Variants in GSG1L observed in about 807,000 individuals in gnomAD.
GSG1L encodes GSG1 like.
In GSG1L, 24 loss-of-function variants were observed where a neutral mutation model predicts 42.1. The ratio of observed to expected loss-of-function variants is 0.57; its 90% CI spans 0.41 to 0.80. GSG1L has a LOEUF of 0.80. Among genes scored for constraint, GSG1L ranks in the 30% least tolerant of loss-of-function variants. GSG1L has a pLI of 0.00. For missense variants in GSG1L, 445 were observed against 472.2 expected, an observed-to-expected ratio of 0.94 and a Z score of 0.53; for synonymous variants, 215 against 203.5, an observed-to-expected ratio of 1.06 and a Z score of -0.48.
At chr16:27,960,330 A>T (rs557469480) in intron 2 of GSG1L, among the ~76,000 whole-genome samples, 2 of 152,314 alleles carry the variant, frequency 1.3e-5, no homozygotes, top group East Asian at 3.9e-4. Flanking sequence ...CCTCACCTGT[A>T]AAATGGGGAT....
intron 1 of GSG1L, among the ~76,000 whole-genome samples, chr16:27,979,662 AGAGAGAGAGAGAGAG>A (rs2085293585): frequency 6.7e-5 from 3 of 45,038 alleles, no homozygotes; most frequent in African/African-American, 1.8e-4. Flanking sequence ...AAAGAAAGAA[AGAGAGAGAGAGAGAG>A]AGAAAGAAAG....
intron 3 of GSG1L, among the ~76,000 whole-genome samples, chr16:27,882,760 T>C (rs930066587): frequency 6.6e-6 from 1 of 152,078 alleles, no homozygotes; most frequent in African/African-American, 2.4e-5. Context: ...ACCCAGTCCA[T>C]AGAGGTCAAC....
intron 2 of GSG1L, among the ~76,000 whole-genome samples, chr16:27,946,584 AGAGAGAG>A (rs1567529769): frequency 0.013 from 288 of 22,594 alleles, 2 homozygotes; most frequent in Non-Finnish European, 0.014. Context: ...AAAGAAAGAG[AGAGAGAG>A]AGAGAGAGAG....
intron 3 of GSG1L, among the ~76,000 whole-genome samples, chr16:27,871,087 C>A (rs765279591): frequency 6.6e-6 from 1 of 152,190 alleles, no homozygotes; most frequent in Non-Finnish European, 1.5e-5. Context: ...TTTCCCAACC[C>A]CAAACCAGCA....
chr16:27,872,504 A>G (rs2083834144), intron 3 of GSG1L, among the ~76,000 whole-genome samples: 1 of 152,180 alleles, frequency 6.6e-6, no homozygotes, highest in South Asian at 2.1e-4. Context: ...CTCCATCTTG[A>G]CGAGGGGCTG....
intron 2 of GSG1L, among the ~76,000 whole-genome samples, chr16:27,900,835 AC>A (rs1186145744): frequency 6.2e-5 from 9 of 144,530 alleles, no homozygotes; most frequent in South Asian, 4.6e-4. Flanking sequence ...AAAAAAAAAA[AC>A]AGATACATAG....
At chr16:27,829,283 T>A (rs999405187) in intron 4 of GSG1L, among the ~76,000 whole-genome samples, 1 of 151,114 alleles carries the variant, frequency 6.6e-6, no homozygotes, top group African/African-American at 2.4e-5. Context: ...GTAAGGAGAG[T>A]GAGAGTTGGC....
intron 1 of GSG1L, among the ~76,000 whole-genome samples, chr16:27,994,069 T>A (rs2085486752): frequency 3.9e-5 from 2 of 51,784 alleles, no homozygotes; most frequent in African/African-American, 2.7e-4. Context: ...GTTAAACTTT[T>A]GCGCAACCTC....
chr16:27,957,083 T>C (rs1208009979), intron 2 of GSG1L, among the ~76,000 whole-genome samples: 1 of 152,202 alleles, frequency 6.6e-6, no homozygotes, highest in Non-Finnish European at 1.5e-5. Flanking sequence ...GTGCGGTGGC[T>C]CATGCCTGTA....
At chr16:27,823,535 G>A (rs564512636) in intron 5 of GSG1L, among the ~76,000 whole-genome samples, 3 of 152,136 alleles carry the variant, frequency 2.0e-5, no homozygotes, top group Admixed American at 6.5e-5. Flanking sequence ...CTACCTTGTC[G>A]CTGGTCTCCA....
chr16:27,871,396 C>T (rs2083818523), intron 3 of GSG1L, among the ~76,000 whole-genome samples: 1 of 152,162 alleles, frequency 6.6e-6, no homozygotes, highest in African/African-American at 2.4e-5. Context: ...AATCCAAGCA[C>T]TTGAGGAGGC....
intron 2 of GSG1L, among the ~76,000 whole-genome samples, chr16:27,905,418 A>T (rs1370846362): frequency 6.6e-6 from 1 of 151,588 alleles, no homozygotes; most frequent in East Asian, 1.9e-4. Context: ...CCTGGGCTCA[A>T]GTGATCCTCC....
chr16:27,791,619 A>G, intron 6 of GSG1L, 152 bp from the exon 7 acceptor site: 1 of 462,224 alleles, frequency 2.2e-6, no homozygotes. Context: ...CATGCCCAAC[A>G]CCACCAGCTC....
intron 5 of GSG1L, among the ~76,000 whole-genome samples, chr16:27,825,594 G>A (rs538558827): frequency 5.3e-5 from 8 of 152,302 alleles, no homozygotes; most frequent in East Asian, 1.9e-4. Context: ...CCAGGAGGTC[G>A]AGGCTGCAGT....
At position 27,979,661 on chromosome 16, in the gene GSG1L, AAG is replaced by A. The variant is rs1555512078; in HGVS notation, c.350-16460_350-16459del. Among the ~76,000 whole-genome samples, 65 of 67,686 alleles carry A rather than the reference AAG, an allele frequency of 9.6e-4. 4 individuals carry two copies. The highest frequency in any genetic ancestry group is 2.0e-3 in the Admixed American group (11 of 5,470). 44.4% of individuals were successfully genotyped at this position (67,686 alleles called of 152,430 possible). A position where few individuals can be genotyped will look rare whatever the true frequency, so the allele number is the denominator to read the frequency against. ...GGGAGGGGAAAGAAAGAAAGAAAGA[AAG>A]AGAGAGAGAGAGAGAGAAAGAAAGA... On this transcript the variant is annotated intron_variant, in intron 1 of 6. Coordinates refer to ENST00000447459, the MANE Select transcript of GSG1L (RefSeq NM_001109763.2).
chr16:27,946,684 G>GAA (rs1302375436), intron 2 of GSG1L, among the ~76,000 whole-genome samples: 3 of 147,336 alleles, frequency 2.0e-5, no homozygotes, highest in African/African-American at 7.5e-5. Context: ...AAGAAAGAAA[G>GAA]AAAGAAAGAA....
intron 1 of GSG1L, among the ~76,000 whole-genome samples, chr16:27,969,999 A>G (rs1156948379): frequency 1.3e-5 from 2 of 152,080 alleles, no homozygotes; most frequent in African/African-American, 2.4e-5. Flanking sequence ...GCCCATTTCT[A>G]TATCTTCTTT....
chr16:27,852,072 T>C (rs1460634337), intron 3 of GSG1L, among the ~76,000 whole-genome samples: 1 of 152,256 alleles, frequency 6.6e-6, no homozygotes, highest in East Asian at 1.9e-4. Context: ...TTAATTGAGA[T>C]ACCAGGGAGG....
intron 5 of GSG1L, among the ~76,000 whole-genome samples, chr16:27,818,697 A>G (rs2083121596): frequency 6.6e-6 from 1 of 152,238 alleles, no homozygotes; most frequent in Non-Finnish European, 1.5e-5. Flanking sequence ...AATTTTGGGC[A>G]AATAAATGAC....
Sources: allele counts gnomAD v4.1 joint callset (sites outside exome capture counted in the v4.1 genomes callset), GRCh38; gene constraint gnomAD v4.1.1; transcripts MANE v1.5; gene names NCBI Gene and HGNC (gene_info 2026-07-23, HGNC 2026-07-21).